The following SMURF1 variants were observed in gnomAD, a reference collection of about 807,000 sequenced individuals.
The protein encoded by SMURF1 is E3 ubiquitin-protein ligase SMURF1.
Under a neutral mutation model 98.0 loss-of-function variants are expected in SMURF1, and 44 were observed. The observed-to-expected ratio is 0.45, with a 90% CI of 0.35 to 0.58. The LOEUF (loss-of-function observed/expected upper bound fraction) is 0.58. Among genes scored for constraint, SMURF1 ranks in the 20% least tolerant of loss-of-function variants. SMURF1 has a pLI of 0.00. For synonymous variants in SMURF1, 396 were observed against 374.9 expected (o/e 1.06, Z -0.65); for missense variants, 687 against 938.4 (o/e 0.73, Z 3.50).
intron 13 of SMURF1, among the ~76,000 whole-genome samples, chr7:99,039,208 A>C (rs1449610455): frequency 8.0e-6 from 1 of 124,308 alleles, no homozygotes; most frequent in Non-Finnish European, 1.7e-5. Context: ...AAAAAAAAAA[A>C]AAAAAAAAAA....
intron 11 of SMURF1, among the ~76,000 whole-genome samples, chr7:99,044,139 C>G (rs1441965690): frequency 1.3e-5 from 2 of 152,078 alleles, no homozygotes; most frequent in South Asian, 2.1e-4. Flanking sequence ...TGGTGAAACC[C>G]CATCTCTACT....
intron 14 of SMURF1, 39 bp downstream of exon 14, chr7:99,038,349 C>T (rs760444502): frequency 3.5e-5 from 56 of 1,607,664 alleles, no homozygotes; most frequent in South Asian, 2.4e-4. Context: ...GGCTCAGCCG[C>T]GCCCCAGGCA....
At chr7:99,125,031 G>A (rs1161334518) in intron 1 of SMURF1, among the ~76,000 whole-genome samples, 3 of 151,554 alleles carry the variant, frequency 2.0e-5, no homozygotes, top group African/African-American at 7.3e-5. Context: ...AGACAACCTA[G>A]AGCATAGTAG....
intron 1 of SMURF1, among the ~76,000 whole-genome samples, chr7:99,114,214 T>G (rs1190855427): frequency 1.3e-5 from 2 of 152,136 alleles, no homozygotes; most frequent in East Asian, 1.9e-4. Context: ...TATTTAAATT[T>G]GTACTAAAGG....
intron 1 of SMURF1, among the ~76,000 whole-genome samples, chr7:99,065,401 A>C (rs1796164365): frequency 6.6e-6 from 1 of 152,110 alleles, no homozygotes; most frequent in East Asian, 1.9e-4. Flanking sequence ...ATTTTAAAGT[A>C]TTTCATAAAA....
chr7:99,045,928 A>G (rs1403089179), intron 10 of SMURF1, 127 bp from the exon 11 acceptor site: 3 of 684,946 alleles, frequency 4.4e-6, no homozygotes, highest in Admixed American at 4.9e-5. Context: ...CTGGCTCCTC[A>G]TCAGAATGTT....
chr7:99,133,003 G>T (rs925576411), intron 1 of SMURF1, among the ~76,000 whole-genome samples: 2 of 152,078 alleles, frequency 1.3e-5, no homozygotes, highest in African/African-American at 4.8e-5. Flanking sequence ...GGCTAGAAAG[G>T]GATAGCTCCA....
intron 1 of SMURF1, among the ~76,000 whole-genome samples, chr7:99,107,612 G>C (rs1040133911): frequency 6.6e-6 from 1 of 152,186 alleles, no homozygotes; most frequent in African/African-American, 2.4e-5. Flanking sequence ...AGAGAAAGTT[G>C]AGCGTCAACC....
intron 1 of SMURF1, among the ~76,000 whole-genome samples, chr7:99,126,976 G>T (rs540043612): frequency 1.3e-5 from 2 of 152,204 alleles, no homozygotes; most frequent in East Asian, 1.9e-4. Context: ...GCAGGGGCCG[G>T]GGGGAAGGGC....
chr7:99,087,892 C>A (rs2150575094), intron 1 of SMURF1, among the ~76,000 whole-genome samples: 1 of 152,090 alleles, frequency 6.6e-6, no homozygotes, highest in Non-Finnish European at 1.5e-5. Context: ...AAAACATTTT[C>A]ATTGTATAAC....
At chr7:99,063,241 TTA>T (rs1178325637) in intron 1 of SMURF1, among the ~76,000 whole-genome samples, 2 of 34,914 alleles carry the variant, frequency 5.7e-5, no homozygotes, top group South Asian at 1.4e-3. Context: ...TAAGATTTAT[TTA>T]TATATATATA....
At chr7:99,093,647 AT>A (rs1284291729) in intron 1 of SMURF1, among the ~76,000 whole-genome samples, 2 of 152,110 alleles carry the variant, frequency 1.3e-5, no homozygotes, top group Non-Finnish European at 2.9e-5. Flanking sequence ...CAAACTAAGA[AT>A]AGTTTATGAC....
intron 1 of SMURF1, among the ~76,000 whole-genome samples, chr7:99,066,086 C>T (rs1033987547): frequency 1.3e-5 from 2 of 152,036 alleles, no homozygotes; most frequent in African/African-American, 4.8e-5. Flanking sequence ...ACATGTTCTC[C>T]CTTTTTCCTC....
At chr7:99,040,880 G>A (rs552796974) in intron 12 of SMURF1, among the ~76,000 whole-genome samples, 1 of 152,218 alleles carries the variant, frequency 6.6e-6, no homozygotes, top group Admixed American at 6.5e-5. Flanking sequence ...CCAAGCCCAG[G>A]GCCTTGACAC....
At chr7:99,059,412 TA>T (rs1563010571) in intron 3 of SMURF1, among the ~76,000 whole-genome samples, 8 of 26,444 alleles carry the variant, frequency 3.0e-4, no homozygotes, top group African/African-American at 1.1e-3. Flanking sequence ...AAAAATAAAA[TA>T]AAATAAAATA....
At chr7:99,112,561 C>CA (rs959461615) in intron 1 of SMURF1, among the ~76,000 whole-genome samples, 4 of 152,026 alleles carry the variant, frequency 2.6e-5, no homozygotes, top group African/African-American at 7.2e-5. Flanking sequence ...TTATAATATA[C>CA]AAAAAATCCA....
In SMURF1 at chr7:99,035,677, A is replaced by C; in HGVS notation, c.1849T>G (p.Trp617Gly). 6.2e-7 allele frequency: 1 copy of C among 1,614,182 alleles called. No homozygotes were observed. Among genetic ancestry groups the C allele is most frequent in the Non-Finnish European group, 8.5e-7 (1 of 1,180,000 alleles). The change falls in exon 16 of 18, where the codon TGG becomes GGG. Residue 617 changes from tryptophan (W) to glycine (G), a missense_variant. Transcript: ENST00000361368. ...GGLDKIDLND[W>G]KSNTRLKHCV... ...TGCTTCAGCCGCGTGTTCGACTTCC[A>C]GTCGTTCAAGTCTATTTTATCCAGG...
At chr7:99,132,541 T>C (rs967671048) in intron 1 of SMURF1, among the ~76,000 whole-genome samples, 2 of 152,062 alleles carry the variant, frequency 1.3e-5, no homozygotes, top group Non-Finnish European at 2.9e-5. Flanking sequence ...GACAGCAGAA[T>C]AGGCTGCCTG....
intron 1 of SMURF1, among the ~76,000 whole-genome samples, chr7:99,125,522 C>G (rs1797725709): frequency 6.6e-6 from 1 of 152,264 alleles, no homozygotes; most frequent in Admixed American, 6.5e-5. Context: ...AACACAGTAA[C>G]ACACTTTGTG....
Sources: gnomAD v4.1 joint callset for allele counts (sites outside exome capture counted in the v4.1 genomes callset) on GRCh38, gnomAD v4.1.1 for gene constraint, MANE v1.5 for transcripts, NCBI Gene and HGNC (gene_info 2026-07-23, HGNC 2026-07-21) for gene names.